CRACR2A: variants seen among roughly 807,000 people sequenced by gnomAD.
CRACR2A encodes the protein EF-hand calcium-binding domain-containing protein 4B.
CRACR2A carries 79 observed loss-of-function variants against 90.5 expected under a neutral mutation model. The ratio of observed to expected loss-of-function variants is 0.87; its 90% CI spans 0.73 to 1.05. CRACR2A has a LOEUF of 1.05. Among genes scored for constraint, CRACR2A ranks in the 50% least tolerant of loss-of-function variants. The pLI is 0.00. For missense variants in CRACR2A, 823 were observed against 897.2 expected, an observed-to-expected ratio of 0.92 and a Z score of 1.06; for synonymous variants, 338 against 356.7, an observed-to-expected ratio of 0.95 and a Z score of 0.59.
At chr12:3,677,185 T>C (rs1945351039) in intron 6 of CRACR2A, among the ~76,000 whole-genome samples, 1 of 152,212 alleles carries the variant, frequency 6.6e-6, no homozygotes, top group Admixed American at 6.5e-5. Context: ...ATTTCACTGC[T>C]TCCAGAACAA....
chr12:3,678,182 T>C (rs1945371509), intron 6 of CRACR2A, among the ~76,000 whole-genome samples: 1 of 152,212 alleles, frequency 6.6e-6, no homozygotes. Flanking sequence ...TTCTACTAGC[T>C]GTAACACCAC....
chr12:3,687,478 T>C (rs370513060), intron 4 of CRACR2A, among the ~76,000 whole-genome samples: 3 of 152,338 alleles, frequency 2.0e-5, no homozygotes, highest in Admixed American at 1.3e-4. Context: ...ATTAGTTTGC[T>C]ATGGATAATG....
chr12:3,669,607 TA>T (rs951587514), intron 7 of CRACR2A, among the ~76,000 whole-genome samples: 1 of 152,032 alleles, frequency 6.6e-6, no homozygotes, highest in Admixed American at 6.5e-5. Flanking sequence ...ATATGCAGGT[TA>T]AAAAAAATTC....
At chr12:3,736,522 C>T (rs1056178661) in intron 1 of CRACR2A, among the ~76,000 whole-genome samples, 1 of 151,744 alleles carries the variant, frequency 6.6e-6, no homozygotes, top group Non-Finnish European at 1.5e-5. Context: ...GGAGTGGGGA[C>T]AGGGCTAGAC....
intron 2 of CRACR2A, among the ~76,000 whole-genome samples, chr12:3,721,728 A>G (rs1407831258): frequency 4.6e-5 from 7 of 152,248 alleles, no homozygotes; most frequent in African/African-American, 1.7e-4. Context: ...CACTGAAAAA[A>G]GACTAGAAGG....
intron 12 of CRACR2A, among the ~76,000 whole-genome samples, chr12:3,642,426 G>A (rs1383356593): frequency 1.3e-5 from 2 of 152,082 alleles, no homozygotes; most frequent in Non-Finnish European, 2.9e-5. Context: ...TGTTGTCCAG[G>A]CTGGTCTTGA....
intron 1 of CRACR2A, among the ~76,000 whole-genome samples, chr12:3,740,632 T>A (rs1591724588): frequency 1.3e-5 from 2 of 152,346 alleles, no homozygotes; most frequent in East Asian, 3.9e-4. Flanking sequence ...CTTACTGCAT[T>A]GCTGTACACA....
At chr12:3,745,825 T>TAAG (rs1555123102) in intron 1 of CRACR2A, among the ~76,000 whole-genome samples, 1 of 100,486 alleles carries the variant, frequency 1.0e-5, no homozygotes, top group Non-Finnish European at 2.0e-5. Context: ...TAAAATAAAA[T>TAAG]AAAGAAAGAA....
chr12:3,644,615 C>A lies in CRACR2A; in HGVS notation c.1144G>T (p.Glu382Ter), dbSNP rs1200312639. ...LRERNKHLRD[E>*]RDICFQKNKA... is the part of the protein sequence containing the mutation. ...ATTACCTGAAAACATATGTCCCGTT[C>A]ATCCCGAAGGTGCTTGTTCCTTTCC... The change falls in exon 12 of 20, where the codon GAA (glutamate) becomes TAA (stop). Residue 382 changes from glutamate to a stop codon, truncating the protein, a stop_gained. Coordinates refer to ENST00000440314, the MANE Select transcript of CRACR2A (RefSeq NM_001144958.2). LOFTEE classifies it high-confidence loss of function. 3.9e-6 allele frequency: 6 copies of A among 1,551,610 alleles called. No homozygotes were observed. The highest frequency in any genetic ancestry group is 5.2e-6 in the Non-Finnish European group (6 of 1,146,994).
At chr12:3,737,764 C>T (rs1444941959) in intron 1 of CRACR2A, among the ~76,000 whole-genome samples, 2 of 152,214 alleles carry the variant, frequency 1.3e-5, no homozygotes, top group East Asian at 3.8e-4. Flanking sequence ...TTCTTGGATA[C>T]TCCCACAAGG....
Position 3,741,526 on chromosome 12 carries a change from T to C in CRACR2A, c.-386-8316A>G, listed in dbSNP as rs539323114. ...TCATAAACGACTTTCATATTTTCAC[T>C]GTTTAATTCCATCCTTATAAATTCC... On this transcript the variant is annotated intron_variant, in intron 1 of 19. Coordinates refer to ENST00000440314, the MANE Select transcript of CRACR2A (RefSeq NM_001144958.2). 4.1e-4 allele frequency among the ~76,000 whole-genome samples: 63 copies of C among 152,380 alleles called. No individual in the cohort carries two copies. In the South Asian group the frequency reaches 0.013, roughly 32 times the overall value.
rs191550630 is a variant in CRACR2A at position 3,711,540 on chromosome 12, A to G, written c.-37+1697T>C. ...ATAACATGTTCTTCATTTTCATCCG[A>G]GACCTCATCAGAATGGCTTTTATCA... is the stretch of plus-strand genomic sequence containing the variant. On this transcript the variant is annotated intron_variant, in intron 3 of 19. Transcript: ENST00000440314. The surrounding 1 kb of genome is among the most constrained non-coding windows in gnomAD (Gnocchi z 4.3). Among the ~76,000 whole-genome samples, 136 of 152,296 alleles carry G rather than the reference A, an allele frequency of 8.9e-4. 1 individual carries two copies. The highest frequency in any genetic ancestry group is 1.0e-3 in the Non-Finnish European group (68 of 68,028).
intron 4 of CRACR2A, among the ~76,000 whole-genome samples, chr12:3,689,520 C>T (rs1216168940): frequency 6.6e-6 from 1 of 152,260 alleles, no homozygotes; most frequent in Middle Eastern, 3.4e-3. Flanking sequence ...GTTGAACCAA[C>T]CTTGCATCCC....
intron 8 of CRACR2A, among the ~76,000 whole-genome samples, chr12:3,657,357 A>T (rs1380016676): frequency 6.6e-6 from 1 of 152,206 alleles, no homozygotes; most frequent in Non-Finnish European, 1.5e-5. Context: ...GGTTCCTGTC[A>T]TATGGAAGGA....
At chr12:3,719,049 A>C (rs1028866332) in intron 2 of CRACR2A, among the ~76,000 whole-genome samples, 1 of 152,226 alleles carries the variant, frequency 6.6e-6, no homozygotes, top group African/African-American at 2.4e-5. Context: ...TCAGGAGGCC[A>C]CAGGTTAAAG....
rs990622492 is a variant in CRACR2A at position 3,652,603 on chromosome 12, C to T, written c.1046+1609G>A. Among the ~76,000 whole-genome samples, 23 of 152,258 alleles carry T rather than the reference C, an allele frequency of 1.5e-4. No individual in the cohort carries two copies. The East Asian group carries it at 4.2e-3, about 28-fold the overall frequency. The stretch of plus-strand genomic sequence containing the variant: ...AACCAGCAGAGCAGTTTTATTTAGG[C>T]CTATGGACCAAAATCCTGCCAGCAG... On this transcript the variant is annotated intron_variant, in intron 10 of 19. Transcript: ENST00000440314.
Position 3,633,820 on chromosome 12 carries a change from C to T in CRACR2A, c.1603-84G>A. ...TGCCACCAGAGGCCCTTTACCCATCCCTACAGTGGCCCTCAGGAGGTGCAG... is the reference window on the plus strand; with the variant it reads ...TGCCACCAGAGGCCCTTTACCCATCTCTACAGTGGCCCTCAGGAGGTGCAG... On this transcript the variant is annotated intron_variant, in intron 14 of 19. Coordinates refer to ENST00000440314, the MANE Select transcript of CRACR2A (RefSeq NM_001144958.2). The surrounding 1 kb of genome is among the most constrained non-coding windows in gnomAD (Gnocchi z 4.5). The T allele has an allele frequency of 1.3e-6, 2 of 1,528,532 alleles. No homozygotes were observed. Among genetic ancestry groups the T allele is most frequent in the Non-Finnish European group, 1.8e-6 (2 of 1,135,840 alleles). The allele number at this position is 1,528,532 out of a possible 1,614,324, so 94.7% of individuals were successfully genotyped here.
At chr12:3,684,049 A>C (rs1317335449) in intron 4 of CRACR2A, among the ~76,000 whole-genome samples, 1 of 152,176 alleles carries the variant, frequency 6.6e-6, no homozygotes, top group African/African-American at 2.4e-5. Context: ...AGGCTCCTTT[A>C]CCTTCCTAGT....
In CRACR2A at chr12:3,711,228, G is replaced by A. The variant is rs548646498; in HGVS notation, c.-37+2009C>T. 6.6e-6 allele frequency among the ~76,000 whole-genome samples: 1 copy of A among 152,304 alleles called. No individual in the cohort carries two copies. Among genetic ancestry groups the A allele is most frequent in the South Asian group, 2.1e-4 (1 of 4,834 alleles). ...AAAAACAATGATGGGACAGGGGCAC[G>A]ACAGATGTTCCATCTCTAAAGGGAT... On this transcript the variant is annotated intron_variant, in intron 3 of 19. Transcript: ENST00000440314. The surrounding 1 kb of genome is among the most constrained non-coding windows in gnomAD (Gnocchi z 4.3).
Sources: gnomAD v4.1 joint callset for allele counts (sites outside exome capture counted in the v4.1 genomes callset) on GRCh38, gnomAD v4.1.1 for gene constraint, Gnocchi (gnomAD v3.1) non-coding constraint, MANE v1.5 for transcripts, NCBI Gene and HGNC (gene_info 2026-07-23, HGNC 2026-07-21) for gene names.